PARD3: variants seen among roughly 807,000 people sequenced by gnomAD.
PARD3 encodes par-3 family cell polarity regulator.
In PARD3, 75 loss-of-function variants were observed where a neutral mutation model predicts 155.4. The ratio of observed to expected loss-of-function variants is 0.48; its 90% CI spans 0.40 to 0.58. The LOEUF (loss-of-function observed/expected upper bound fraction) is 0.58. Among genes scored for constraint, PARD3 ranks in the 20% least tolerant of loss-of-function variants. The pLI is 0.00. For missense variants in PARD3, 1,642 were observed against 1,721.7 expected, an observed-to-expected ratio of 0.95 and a Z score of 0.82; for synonymous variants, 576 against 610.5, an observed-to-expected ratio of 0.94 and a Z score of 0.83.
At chr10:34,645,436 C>T (rs966303261) in intron 2 of PARD3, among the ~76,000 whole-genome samples, 2 of 152,026 alleles carry the variant, frequency 1.3e-5, no homozygotes, top group South Asian at 2.1e-4. Context: ...GAACTCCTGA[C>T]GTCAAGTGAT....
In PARD3 at chr10:34,304,065, G is replaced by C. The variant is rs939442233; in HGVS notation, c.3065+13042C>G. ...AGAGAGCCGGAGGAAAGAGGGCATT[G>C]TTTTAAAATCGTCCTCGTTTGTGTT... On this transcript the variant is annotated intron_variant, in intron 20 of 24. Transcript: ENST00000374788. 3.9e-5 allele frequency among the ~76,000 whole-genome samples: 6 copies of C among 152,216 alleles called. No homozygotes were observed. In the South Asian group the frequency reaches 1.0e-3, roughly 26 times the overall value.
chr10:34,119,444 C>T (rs1946860734), intron 24 of PARD3, among the ~76,000 whole-genome samples, 169 bp downstream of exon 24: 1 of 152,208 alleles, frequency 6.6e-6, no homozygotes, highest in African/African-American at 2.4e-5. Flanking sequence ...CGCAGTACGA[C>T]AGCCCCCCAC....
intron 3 of PARD3, among the ~76,000 whole-genome samples, chr10:34,479,082 C>T (rs948014331): frequency 6.6e-6 from 1 of 151,828 alleles, no homozygotes; most frequent in East Asian, 1.9e-4. Context: ...GAACTTTTCT[C>T]AAAATCTTAT....
chr10:34,333,783 T>C (rs904805058), intron 18 of PARD3, among the ~76,000 whole-genome samples: 10 of 152,036 alleles, frequency 6.6e-5, no homozygotes, highest in Non-Finnish European at 1.0e-4. Context: ...TCTGTTCCTT[T>C]ACAGAAAAAG....
At chr10:34,442,262 C>G (rs1420525020) in intron 5 of PARD3, among the ~76,000 whole-genome samples, 1 of 152,216 alleles carries the variant, frequency 6.6e-6, no homozygotes, top group Admixed American at 6.5e-5. Context: ...TACTATCTGG[C>G]AGCATCAGAA....
intron 2 of PARD3, among the ~76,000 whole-genome samples, chr10:34,666,805 A>ATATATG (rs1554804650): frequency 2.4e-4 from 24 of 101,700 alleles, no homozygotes; most frequent in African/African-American, 1.1e-3. Flanking sequence ...AAATATATAT[A>ATATATG]TATATATATA....
At chr10:34,306,166 C>T (rs1001930455) in intron 20 of PARD3, among the ~76,000 whole-genome samples, 11 of 150,256 alleles carry the variant, frequency 7.3e-5, no homozygotes, top group South Asian at 2.1e-4. Flanking sequence ...TGCCTGTAAT[C>T]GCAGCTACTT....
At chr10:34,684,576 A>G (rs1431525449) in intron 2 of PARD3, among the ~76,000 whole-genome samples, 1 of 151,872 alleles carries the variant, frequency 6.6e-6, no homozygotes, top group East Asian at 1.9e-4. Flanking sequence ...ACCTCCTTCC[A>G]CAAAACTGGC....
chr10:34,745,648 A>G (rs1433037831), intron 1 of PARD3, among the ~76,000 whole-genome samples: 1 of 152,140 alleles, frequency 6.6e-6, no homozygotes, highest in Non-Finnish European at 1.5e-5. Context: ...TCTATTGCTT[A>G]AAAAATTGTA....
intron 5 of PARD3, among the ~76,000 whole-genome samples, chr10:34,418,417 G>C (rs1007721097): frequency 1.1e-4 from 17 of 152,104 alleles, no homozygotes; most frequent in African/African-American, 4.1e-4. Context: ...CAAGCAATCT[G>C]CCCACGTAGG....
At chr10:34,201,178 G>A (rs866811108) in intron 22 of PARD3, among the ~76,000 whole-genome samples, 1 of 152,120 alleles carries the variant, frequency 6.6e-6, no homozygotes, top group Admixed American at 6.5e-5. Flanking sequence ...CTCATCTGTC[G>A]AAGAAAGATG....
At chr10:34,506,553 T>A (rs1487082989) in intron 3 of PARD3, among the ~76,000 whole-genome samples, 2 of 152,180 alleles carry the variant, frequency 1.3e-5, no homozygotes, top group South Asian at 4.1e-4. Context: ...CAAGCAGATA[T>A]AAATGACATG....
intron 2 of PARD3, among the ~76,000 whole-genome samples, chr10:34,589,855 C>T (rs2088502605): frequency 6.6e-6 from 1 of 152,042 alleles, no homozygotes; most frequent in Admixed American, 6.6e-5. Flanking sequence ...GTACAGAAGT[C>T]ATATGTATCA....
At chr10:34,636,350 C>A (rs1380892474) in intron 2 of PARD3, among the ~76,000 whole-genome samples, 1 of 152,194 alleles carries the variant, frequency 6.6e-6, no homozygotes, top group Non-Finnish European at 1.5e-5. Context: ...GCTGCCTCCT[C>A]CATCCGGGCT....
chr10:34,552,803 C>T (rs1311611129), intron 2 of PARD3, among the ~76,000 whole-genome samples: 4 of 151,896 alleles, frequency 2.6e-5, no homozygotes, highest in African/African-American at 9.7e-5. Context: ...TTTGAAGAGA[C>T]CTTTAATAAA....
chr10:34,153,991 T>C (rs1265044419), intron 22 of PARD3, among the ~76,000 whole-genome samples: 1 of 152,214 alleles, frequency 6.6e-6, no homozygotes, highest in Non-Finnish European at 1.5e-5. Flanking sequence ...TACCCTTTCT[T>C]ACCACTAGCG....
chr10:34,659,130 A>C lies in PARD3; in HGVS notation c.222+37188T>G, dbSNP rs550508211. ...AGATCCTGAAAGGCACACCCAGCAC[A>C]AAGTGAGGAACCAGGAAACCTGCAC... On this transcript the variant is annotated intron_variant, in intron 2 of 24. Coordinates refer to ENST00000374788, the MANE Select transcript of PARD3 (RefSeq NM_001184785.2). Among the ~76,000 whole-genome samples, 4 of 152,316 alleles carry C rather than the reference A, an allele frequency of 2.6e-5. No homozygotes were observed. The East Asian group carries it at 7.7e-4, about 29-fold the overall frequency.
chr10:34,491,045 T>G (rs2079867691), intron 3 of PARD3, among the ~76,000 whole-genome samples: 1 of 152,118 alleles, frequency 6.6e-6, no homozygotes, highest in Non-Finnish European at 1.5e-5. Context: ...AAAATACAGA[T>G]TCTGAATGAA....
chr10:34,265,467 C>T (rs771082232), intron 22 of PARD3, among the ~76,000 whole-genome samples: 6 of 152,102 alleles, frequency 3.9e-5, no homozygotes, highest in Non-Finnish European at 7.4e-5. Flanking sequence ...CAATGAAAAT[C>T]CCAGAACAGA....
Sources: allele counts gnomAD v4.1 joint callset (sites outside exome capture counted in the v4.1 genomes callset), GRCh38; gene constraint gnomAD v4.1.1; transcripts MANE v1.5; gene names NCBI Gene and HGNC (gene_info 2026-07-23, HGNC 2026-07-21).